Variants in STX8 observed in about 807,000 individuals in gnomAD.
STX8 encodes the protein syntaxin-8.
Under a neutral mutation model 37.5 loss-of-function variants are expected in STX8, and 23 were observed. The observed-to-expected ratio is 0.61, with a 90% CI of 0.44 to 0.87. STX8 has a LOEUF of 0.87. Among genes scored for constraint, STX8 ranks in the 40% least tolerant of loss-of-function variants. The probability of loss-of-function intolerance (pLI) is 0.00; values close to 1 mark genes in which losing one functional copy is unlikely to be tolerated. For synonymous variants in STX8, 115 were observed against 99.1 expected, an observed-to-expected ratio of 1.16 and a Z score of -0.95; for missense variants, 313 against 284.7, an observed-to-expected ratio of 1.10 and a Z score of -0.71.
chr17:9,568,596 G>A (rs1054493895), intron 1 of STX8, 126 bp from the exon 2 acceptor site: 1 of 660,890 alleles, frequency 1.5e-6, no homozygotes, highest in African/African-American at 1.9e-5. Flanking sequence ...TGCCTCCTGG[G>A]TTCGCACCAT....
intron 6 of STX8, among the ~76,000 whole-genome samples, chr17:9,487,892 C>A (rs1446737331): frequency 6.6e-6 from 1 of 152,204 alleles, no homozygotes; most frequent in East Asian, 1.9e-4. Flanking sequence ...ATACAAAGTA[C>A]AGCGCTAAAT....
At position 9,428,442 on chromosome 17, in the gene STX8, G is replaced by A. The variant is rs558810558; in HGVS notation, c.542-49789C>T. Among the ~76,000 whole-genome samples the A allele has an allele frequency of 1.8e-4, 28 of 152,232 alleles. 2 individuals carry two copies. The highest frequency in any genetic ancestry group is 1.4e-3 in the East Asian group (7 of 5,160). On this transcript the variant is annotated intron_variant, in intron 6 of 7. Coordinates refer to ENST00000306357, the MANE Select transcript of STX8 (RefSeq NM_004853.3). ...TTTTTAGTAGAGACGGGGTTTCACC[G>A]TGTTAGCCAGGATGGTCTTGATCTC...
intron 6 of STX8, among the ~76,000 whole-genome samples, chr17:9,388,542 G>A (rs143659943): frequency 0.026 from 3,944 of 150,638 alleles, 181 homozygotes; most frequent in African/African-American, 0.091. Context: ...GGTGGCTCAC[G>A]CCTGTAATCC....
At chr17:9,304,915 GAAAA>G (rs1200902556) in intron 7 of STX8, among the ~76,000 whole-genome samples, 1 of 134,558 alleles carries the variant, frequency 7.4e-6, no homozygotes, top group African/African-American at 3.1e-5. Flanking sequence ...ATATATGGGC[GAAAA>G]AAAAAATATG....
intron 1 of STX8, among the ~76,000 whole-genome samples, chr17:9,571,436 A>G (rs995617313): frequency 2.0e-5 from 3 of 151,740 alleles, no homozygotes; most frequent in Non-Finnish European, 4.4e-5. Flanking sequence ...ACCTCATTAC[A>G]CTATCAAGCA....
At chr17:9,418,179 C>A (rs1913266401) in intron 6 of STX8, among the ~76,000 whole-genome samples, 1 of 152,030 alleles carries the variant, frequency 6.6e-6, no homozygotes, top group Non-Finnish European at 1.5e-5. Context: ...CTAATTAGAG[C>A]CAGAATTGAA....
At chr17:9,298,668 C>T (rs564141920) in intron 7 of STX8, among the ~76,000 whole-genome samples, 3 of 152,126 alleles carry the variant, frequency 2.0e-5, no homozygotes, top group Admixed American at 1.3e-4. Flanking sequence ...AAAAATTAGC[C>T]GGGTGTGGTG....
At chr17:9,295,320 A>C (rs1207912970) in intron 7 of STX8, among the ~76,000 whole-genome samples, 1 of 152,054 alleles carries the variant, frequency 6.6e-6, no homozygotes, top group Non-Finnish European at 1.5e-5. Flanking sequence ...TTCCTATTAG[A>C]CTCCGAGCCC....
intron 4 of STX8, among the ~76,000 whole-genome samples, chr17:9,516,925 C>G (rs1905175490): frequency 6.6e-6 from 1 of 152,130 alleles, no homozygotes; most frequent in Non-Finnish European, 1.5e-5. Context: ...AACCTTCTTT[C>G]TGGCCCAACA....
chr17:9,452,819 AG>A (rs1905084869), intron 6 of STX8, among the ~76,000 whole-genome samples: 2 of 147,108 alleles, frequency 1.4e-5, no homozygotes, highest in African/African-American at 5.0e-5. Flanking sequence ...TTTTCTTTTT[AG>A]ACAGAGTCTC....
At chr17:9,272,075 C>T (rs889016408) in intron 7 of STX8, among the ~76,000 whole-genome samples, 5 of 152,174 alleles carry the variant, frequency 3.3e-5, no homozygotes, top group African/African-American at 1.2e-4. Context: ...TCTTGCTGTC[C>T]TAATCCACAC....
chr17:9,262,445 C>A (rs1256194515), intron 7 of STX8, among the ~76,000 whole-genome samples: 1 of 152,220 alleles, frequency 6.6e-6, no homozygotes, highest in Non-Finnish European at 1.5e-5. Context: ...CAGGCCCTGC[C>A]TTTGCTCAGA....
At chr17:9,437,703 T>C (rs1904484102) in intron 6 of STX8, 1 of 152,184 alleles carries the variant, frequency 6.6e-6, no homozygotes. Flanking sequence ...GGCTAGGCCT[T>C]ATATCTATAA....
At chr17:9,521,541 C>T (rs1221171533) in intron 4 of STX8, among the ~76,000 whole-genome samples, 1 of 152,196 alleles carries the variant, frequency 6.6e-6, no homozygotes, top group Admixed American at 6.5e-5. Flanking sequence ...CTGTTAACAT[C>T]TTTCAGTCCA....
chr17:9,392,074 A>G (rs1289097657), intron 6 of STX8, among the ~76,000 whole-genome samples: 1 of 152,238 alleles, frequency 6.6e-6, no homozygotes, highest in Non-Finnish European at 1.5e-5. Context: ...AACTTCTTCA[A>G]TGGTAGTTGG....
At chr17:9,513,306 C>G (rs1288000437) in intron 4 of STX8, among the ~76,000 whole-genome samples, 5 of 82,530 alleles carry the variant, frequency 6.1e-5, no homozygotes, top group African/African-American at 9.5e-5. Context: ...TAGTGAGACT[C>G]TATTTCCAAA....
chr17:9,419,801 A>G (rs145593407), intron 6 of STX8, among the ~76,000 whole-genome samples: 5 of 152,338 alleles, frequency 3.3e-5, no homozygotes, highest in East Asian at 1.9e-4. Context: ...GGTGGTGAGA[A>G]GAGTGAGCAG....
At chr17:9,411,391 A>G (rs1263136755) in intron 6 of STX8, among the ~76,000 whole-genome samples, 3 of 152,206 alleles carry the variant, frequency 2.0e-5, no homozygotes, top group Admixed American at 1.3e-4. Context: ...CTGTGCTTAG[A>G]TCTGAAAAAA....
chr17:9,437,532 T>G (rs1245457055), intron 6 of STX8, among the ~76,000 whole-genome samples: 1 of 152,234 alleles, frequency 6.6e-6, no homozygotes. Flanking sequence ...CAACTGTAGC[T>G]TTTTCAGTCA....
Sources: allele counts gnomAD v4.1 joint callset (sites outside exome capture counted in the v4.1 genomes callset), GRCh38; gene constraint gnomAD v4.1.1; transcripts MANE v1.5; gene names NCBI Gene and HGNC (gene_info 2026-07-23, HGNC 2026-07-21).